TNRC6B: variants seen among roughly 807,000 people sequenced by gnomAD.
The protein encoded by TNRC6B is trinucleotide repeat-containing gene 6B protein.
A neutral mutation model predicts 203.6 loss-of-function variants in TNRC6B; 52 were observed. That is an observed-to-expected ratio of 0.26 (90% confidence interval 0.20 to 0.32). The LOEUF is 0.32. TNRC6B is among the 10% of genes least tolerant of loss of function. The pLI, the probability that TNRC6B is intolerant of heterozygous loss-of-function variation, is 1.00. For missense variants in TNRC6B, 1,923 were observed against 2,286.2 expected (o/e 0.84, Z 3.24); for synonymous variants, 838 against 845.7 (o/e 0.99, Z 0.16).
At chr22:40,184,599 T>G (rs1270204134) in intron 1 of TNRC6B, among the ~76,000 whole-genome samples, 1 of 152,194 alleles carries the variant, frequency 6.6e-6, no homozygotes, top group Non-Finnish European at 1.5e-5. Flanking sequence ...GATTCTGGTG[T>G]GTTGTGGAAA....
At chr22:40,049,257 G>A (rs2067724455) in intron 1 of TNRC6B, among the ~76,000 whole-genome samples, 1 of 151,960 alleles carries the variant, frequency 6.6e-6, no homozygotes, top group Non-Finnish European at 1.5e-5. Context: ...TGTTGGCCAG[G>A]CTGGTCTCAA....
rs1336432433 is a variant in TNRC6B, at chr22:40,323,724, TG to T, written c.*488del. ...AGGGAGGGAAATTCAAAAGAATTGT[TG>T]GGGGAGGGGGGAGGGAAGACTTGAC... On this transcript the variant is annotated 3_prime_UTR_variant, in exon 23 of 23. Coordinates refer to ENST00000454349, the MANE Select transcript of TNRC6B (RefSeq NM_001162501.2). 2.9e-5 allele frequency: 1 copy of T among 34,832 alleles called. No homozygotes were observed. The highest frequency in any genetic ancestry group is 1.2e-3 in the East Asian group (1 of 852). 2.2% of individuals were successfully genotyped at this position (34,832 alleles called of 1,614,324 possible). A position where few individuals can be genotyped will look rare whatever the true frequency, so the allele number is the denominator to read the frequency against.
intron 1 of TNRC6B, among the ~76,000 whole-genome samples, chr22:40,113,413 G>A (rs531053578): frequency 1.3e-5 from 2 of 152,258 alleles, no homozygotes; most frequent in South Asian, 2.1e-4. Flanking sequence ...GGAGTGCAGT[G>A]GTGTGATCTA....
chr22:40,240,089 C>T (rs936071619), intron 1 of TNRC6B, among the ~76,000 whole-genome samples: 10 of 152,056 alleles, frequency 6.6e-5, no homozygotes, highest in East Asian at 5.8e-4. Context: ...CCTCAGCCTC[C>T]GAAAGTGCTG....
At chr22:40,281,982 C>A (rs779730335) in intron 11 of TNRC6B, among the ~76,000 whole-genome samples, 4 of 152,158 alleles carry the variant, frequency 2.6e-5, no homozygotes, top group Non-Finnish European at 5.9e-5. Context: ...TGCCTGCCTT[C>A]CCACAATAGC....
At chr22:40,084,705 A>T (rs1180880152) in intron 1 of TNRC6B, among the ~76,000 whole-genome samples, 1 of 152,184 alleles carries the variant, frequency 6.6e-6, no homozygotes, top group Non-Finnish European at 1.5e-5. Context: ...ATAGGTACAA[A>T]TCCCTCACCT....
Position 40,302,564 on chromosome 22 carries a change from C to T in TNRC6B, c.4120+1231C>T, listed in dbSNP as rs184806229. 2.0e-3 allele frequency among the ~76,000 whole-genome samples: 298 copies of T among 149,080 alleles called. 1 individual carries two copies. Among genetic ancestry groups the T allele is most frequent in the Non-Finnish European group, 3.2e-3 (214 of 67,798 alleles). On this transcript the variant is annotated intron_variant, in intron 15 of 22. Transcript: ENST00000454349. ...AGGAGAATCACTTGAACCCGGGAGA[C>T]GGAGGTTGCAGTGAGCTGAGATTGT...
chr22:40,167,266 G>A (rs868277026), intron 4 of TNRC6B, among the ~76,000 whole-genome samples: 5 of 152,130 alleles, frequency 3.3e-5, no homozygotes, highest in East Asian at 3.9e-4. Flanking sequence ...CAGAATGGCC[G>A]AAGTCACTCA....
chr22:40,188,983 T>TA (rs1219230593), intron 1 of TNRC6B, among the ~76,000 whole-genome samples: 1 of 152,200 alleles, frequency 6.6e-6, no homozygotes, highest in East Asian at 1.9e-4. Flanking sequence ...TAGAAGGCAC[T>TA]ACTCATGAGT....
In TNRC6B at chr22:40,178,094, T is replaced by C. The variant is rs761831983; in HGVS notation, c.-42T>C. On this transcript the variant is annotated 5_prime_UTR_variant, in exon 1 of 23. Transcript: ENST00000454349. ...ACCTTTTTTCATTTCCATTTCTACCTTGTATGCCTCAATTTGCTGGATTTA... is the reference window on the plus strand; with the variant it reads ...ACCTTTTTTCATTTCCATTTCTACCCTGTATGCCTCAATTTGCTGGATTTA... 6.2e-7 allele frequency: 1 copy of C among 1,610,282 alleles called. No individual in the cohort carries two copies.
chr22:40,314,602 A>G (rs2071231466), intron 19 of TNRC6B, among the ~76,000 whole-genome samples: 1 of 152,178 alleles, frequency 6.6e-6, no homozygotes. Context: ...GTCTTTATAA[A>G]GCCTTTGCTG....
In TNRC6B at chr22:40,191,948, G is replaced by A. The variant is rs566120559; in HGVS notation, c.5+13808G>A. Among the ~76,000 whole-genome samples the A allele has an allele frequency of 3.9e-5, 6 of 152,158 alleles. No homozygotes were observed. In the East Asian group the frequency reaches 9.7e-4, roughly 25 times the overall value. ...GTATTTTTAGTAGAGACGGGGTTTC[G>A]CCATGTTGGCCAGGCTGGTCTCAAA... On this transcript the variant is annotated intron_variant, in intron 1 of 22. Coordinates refer to ENST00000454349, the MANE Select transcript of TNRC6B (RefSeq NM_001162501.2).
intron 1 of TNRC6B, among the ~76,000 whole-genome samples, chr22:40,047,542 G>GCA (rs2067701419): frequency 6.6e-6 from 1 of 152,118 alleles, no homozygotes; most frequent in Non-Finnish European, 1.5e-5. Context: ...GGCGGAGGTT[G>GCA]CAGTGAGCCG....
intron 15 of TNRC6B, among the ~76,000 whole-genome samples, chr22:40,304,926 G>T (rs1257322342): frequency 2.6e-5 from 4 of 152,148 alleles, no homozygotes; most frequent in African/African-American, 9.7e-5. Flanking sequence ...GTTGTGTTAG[G>T]ATGGCCAATT....
chr22:40,311,763 A>G (rs2071187106), intron 17 of TNRC6B, among the ~76,000 whole-genome samples: 2 of 152,086 alleles, frequency 1.3e-5, no homozygotes, highest in Non-Finnish European at 2.9e-5. Context: ...GGCTGTTCTC[A>G]AACTCCTGAC....
intron 3 of TNRC6B, among the ~76,000 whole-genome samples, chr22:40,146,561 ATTTTT>A (rs59901929): frequency 4.6e-5 from 5 of 109,222 alleles, no homozygotes; most frequent in African/African-American, 7.5e-5. Context: ...CGCCCGGCTA[ATTTTT>A]TTTTTTTTTT....
At chr22:40,142,945 A>G (rs976202352) in intron 3 of TNRC6B, among the ~76,000 whole-genome samples, 2 of 152,222 alleles carry the variant, frequency 1.3e-5, no homozygotes, top group Admixed American at 6.5e-5. Flanking sequence ...TGTATCACAG[A>G]GCTAACTGTG....
intron 7 of TNRC6B, among the ~76,000 whole-genome samples, chr22:40,275,985 C>A (rs566461785): frequency 2.3e-4 from 35 of 150,628 alleles, no homozygotes; most frequent in African/African-American, 7.8e-4. Context: ...CCCCCACACA[C>A]ACACCAAAAA....
chr22:40,134,049 C>G (rs561108304), intron 3 of TNRC6B, among the ~76,000 whole-genome samples: 2 of 145,124 alleles, frequency 1.4e-5, no homozygotes, highest in South Asian at 4.6e-4. Context: ...TTTCAGATAT[C>G]TTGATGTCTG....
Sources: gnomAD v4.1 joint callset for allele counts (sites outside exome capture counted in the v4.1 genomes callset) on GRCh38, gnomAD v4.1.1 for gene constraint, MANE v1.5 for transcripts, NCBI Gene and HGNC (gene_info 2026-07-23, HGNC 2026-07-21) for gene names.